NRG3: variants seen among roughly 807,000 people sequenced by gnomAD.
NRG3 encodes neuregulin 3.
Under a neutral mutation model 66.9 loss-of-function variants are expected in NRG3, and 31 were observed. The ratio of observed to expected loss-of-function variants is 0.46; its 90% CI spans 0.35 to 0.63. The LOEUF (loss-of-function observed/expected upper bound fraction) is 0.63, where lower values mean the gene tolerates loss of function less well. Among genes scored for constraint, NRG3 ranks in the 20% least tolerant of loss-of-function variants. The pLI, the probability that NRG3 is intolerant of heterozygous loss-of-function variation, is 0.00. For synonymous variants in NRG3, 393 were observed against 359.4 expected (o/e 1.09, Z -1.06); for missense variants, 910 against 878.9 (o/e 1.04, Z -0.45).
At chr10:82,405,759 C>T (rs1048120367) in intron 2 of NRG3, among the ~76,000 whole-genome samples, 4 of 152,136 alleles carry the variant, frequency 2.6e-5, no homozygotes, top group East Asian at 1.9e-4. Context: ...TGAGCCACAG[C>T]GCCTAGCCTG....
intron 3 of NRG3, among the ~76,000 whole-genome samples, chr10:82,827,716 G>A (rs11196136): frequency 5.9e-5 from 9 of 152,198 alleles, no homozygotes; most frequent in Admixed American, 3.3e-4. Context: ...TAATTCACTC[G>A]AAGCAGAGAT....
chr10:82,626,590 G>C (rs143250134), intron 2 of NRG3, among the ~76,000 whole-genome samples: 4 of 152,114 alleles, frequency 2.6e-5, no homozygotes, highest in Non-Finnish European at 4.4e-5. Flanking sequence ...CTTGAGTAGA[G>C]AGCATTACCT....
At chr10:82,782,178 A>C (rs967113330) in intron 3 of NRG3, among the ~76,000 whole-genome samples, 5 of 152,162 alleles carry the variant, frequency 3.3e-5, no homozygotes, top group African/African-American at 1.2e-4. Context: ...AATAGTGTTG[A>C]GGTTTTTAAA....
intron 3 of NRG3, among the ~76,000 whole-genome samples, chr10:82,785,975 C>T (rs964193167): frequency 5.9e-5 from 9 of 152,182 alleles, no homozygotes; most frequent in African/African-American, 2.2e-4. Context: ...AGGGCCATGG[C>T]GATCTACTCC....
At chr10:82,354,075 A>G (rs1483695426) in intron 1 of NRG3, among the ~76,000 whole-genome samples, 2 of 143,934 alleles carry the variant, frequency 1.4e-5, no homozygotes, top group Non-Finnish European at 3.0e-5. Flanking sequence ...CCCTGTCTCA[A>G]ACAGGCTGGG....
intron 3 of NRG3, among the ~76,000 whole-genome samples, chr10:82,855,649 C>G (rs957270566): frequency 6.6e-6 from 1 of 152,084 alleles, no homozygotes; most frequent in South Asian, 2.1e-4. Context: ...TCGCCTGCCT[C>G]AGCCTCCCAA....
intron 2 of NRG3, among the ~76,000 whole-genome samples, chr10:82,520,876 T>C (rs976407025): frequency 1.3e-5 from 2 of 152,220 alleles, no homozygotes; most frequent in African/African-American, 4.8e-5. Context: ...TTTGTCTTGC[T>C]TATGAGGGCA....
chr10:82,485,527 G>A (rs531958837), intron 2 of NRG3, among the ~76,000 whole-genome samples: 19 of 149,596 alleles, frequency 1.3e-4, no homozygotes, highest in Admixed American at 1.1e-3. Context: ...TCAGAAATGG[G>A]CCAACTAGCA....
chr10:82,732,554 T>G (rs1004342485), intron 2 of NRG3, among the ~76,000 whole-genome samples: 1 of 152,208 alleles, frequency 6.6e-6, no homozygotes, highest in East Asian at 1.9e-4. Flanking sequence ...TTTGGGGTAA[T>G]ATACTTAACC....
chr10:82,615,147 TA>T (rs983965349), intron 2 of NRG3, among the ~76,000 whole-genome samples: 2 of 152,166 alleles, frequency 1.3e-5, no homozygotes, highest in African/African-American at 4.8e-5. Context: ...ACCTATCACA[TA>T]AAAGTCCTAA....
chr10:81,952,826 G>T (rs1237659330), intron 1 of NRG3, among the ~76,000 whole-genome samples: 1 of 151,944 alleles, frequency 6.6e-6, no homozygotes, highest in African/African-American at 2.4e-5. Flanking sequence ...GCCCAGGGTG[G>T]TCTAAAACTC....
intron 1 of NRG3, among the ~76,000 whole-genome samples, chr10:82,351,745 A>G (rs2083450273): frequency 6.6e-6 from 1 of 152,194 alleles, no homozygotes; most frequent in Admixed American, 6.5e-5. Flanking sequence ...ATAAGCACAC[A>G]CAATAGTCAA....
intron 2 of NRG3, among the ~76,000 whole-genome samples, chr10:82,484,451 C>A (rs983054477): frequency 3.9e-5 from 6 of 152,186 alleles, no homozygotes; most frequent in African/African-American, 1.4e-4. Context: ...AGTACTGTGC[C>A]TGGCACAAGT....
At chr10:82,818,287 G>T (rs1230386587) in intron 3 of NRG3, among the ~76,000 whole-genome samples, 5 of 152,094 alleles carry the variant, frequency 3.3e-5, no homozygotes, top group African/African-American at 1.2e-4. Flanking sequence ...GTTGTTTTCT[G>T]TGCCACTTGC....
At chr10:82,246,609 A>T (rs951181906) in intron 1 of NRG3, among the ~76,000 whole-genome samples, 5 of 152,220 alleles carry the variant, frequency 3.3e-5, no homozygotes, top group African/African-American at 1.2e-4. Context: ...ACTGAATATA[A>T]ATCTCAATAA....
intron 1 of NRG3, among the ~76,000 whole-genome samples, chr10:82,151,929 A>G (rs1401243708): frequency 6.6e-6 from 1 of 152,138 alleles, no homozygotes; most frequent in Non-Finnish European, 1.5e-5. Context: ...GGGAATTGTA[A>G]TAGTACATGT....
At chr10:82,181,715 G>T (rs2133231270) in intron 1 of NRG3, among the ~76,000 whole-genome samples, 1 of 151,908 alleles carries the variant, frequency 6.6e-6, no homozygotes, top group East Asian at 1.9e-4. Context: ...GTATACCTGA[G>T]AAGAAAGTTT....
chr10:82,438,350 G>T (rs1444364111), intron 2 of NRG3, among the ~76,000 whole-genome samples: 2 of 152,250 alleles, frequency 1.3e-5, no homozygotes, highest in Admixed American at 6.5e-5. Context: ...CAGCCAGTGT[G>T]TTGGGCTGTG....
chr10:81,885,551 T>A (rs1322144694), intron 1 of NRG3, among the ~76,000 whole-genome samples: 2 of 152,194 alleles, frequency 1.3e-5, no homozygotes, highest in African/African-American at 4.8e-5. Context: ...ACATTTTTGT[T>A]TGCCAAGTGT....
Sources: gnomAD v4.1 joint callset for allele counts (sites outside exome capture counted in the v4.1 genomes callset) on GRCh38, gnomAD v4.1.1 for gene constraint, MANE v1.5 for transcripts, NCBI Gene and HGNC (gene_info 2026-07-23, HGNC 2026-07-21) for gene names.